The following OSBPL9 variants were observed in gnomAD, a reference collection of about 807,000 sequenced individuals.
OSBPL9 encodes oxysterol binding protein like 9.
In OSBPL9, 40 loss-of-function variants were observed where a neutral mutation model predicts 106.6. That is an observed-to-expected ratio of 0.38 (90% confidence interval 0.29 to 0.49). OSBPL9 has a LOEUF of 0.49. Among genes scored for constraint, OSBPL9 ranks in the 20% least tolerant of loss-of-function variants. The pLI is 0.97. For missense variants in OSBPL9, 609 were observed against 887.2 expected (o/e 0.69, Z 3.98); for synonymous variants, 269 against 295.4 (o/e 0.91, Z 0.92).
At chr1:51,537,867 T>A in the OSBPL9 span, among the ~76,000 whole-genome samples, 1 of 152,138 alleles carries the variant, frequency 6.6e-6, no homozygotes, top group African/African-American at 2.4e-5. Context: ...AATTAATAAT[T>A]CATTACTGAT....
intron 2 of OSBPL9, among the ~76,000 whole-genome samples, chr1:51,662,741 A>ATTTT (rs758385465): frequency 7.0e-6 from 1 of 143,308 alleles, no homozygotes. Context: ...AAAATCAACG[A>ATTTT]ATTTTTTTTT....
chr1:51,546,629 G>A, the OSBPL9 span, among the ~76,000 whole-genome samples: 4 of 151,708 alleles, frequency 2.6e-5, no homozygotes, highest in South Asian at 4.2e-4. Context: ...CCCGGGAGGC[G>A]GAGCTTGCAG....
chr1:51,519,165 C>A, the OSBPL9 span: 1 of 1,421,300 alleles, frequency 7.0e-7, no homozygotes, highest in Non-Finnish European at 9.3e-7. Context: ...GGGCACCGGC[C>A]GGCCAAGCCC....
At chr1:51,595,072 C>T (rs1053962019) in intron 1 of OSBPL9, among the ~76,000 whole-genome samples, 1 of 152,170 alleles carries the variant, frequency 6.6e-6, no homozygotes, top group African/African-American at 2.4e-5. Context: ...GCTGAGATCA[C>T]CTGCATCCCC....
At chr1:51,555,622 C>T in the OSBPL9 span, among the ~76,000 whole-genome samples, 72 of 152,148 alleles carry the variant, frequency 4.7e-4, no homozygotes, top group African/African-American at 1.7e-3. Flanking sequence ...GGCTGGAGGG[C>T]AGTGGCATGA....
intron 2 of OSBPL9, among the ~76,000 whole-genome samples, chr1:51,602,618 G>A (rs1025712187): frequency 5.3e-5 from 8 of 151,036 alleles, no homozygotes; most frequent in South Asian, 2.1e-4. Flanking sequence ...TTGTAGAGAC[G>A]AGGAGTGGGG....
chr1:51,760,560 C>T (rs1671269871), intron 9 of OSBPL9, 130 bp from the exon 10 acceptor site: 5 of 1,367,206 alleles, frequency 3.7e-6, no homozygotes, highest in African/African-American at 2.9e-5. Flanking sequence ...TTCATTCCCT[C>T]TTTTCATTTT....
chr1:51,633,653 A>G (rs567058610), intron 1 of OSBPL9, among the ~76,000 whole-genome samples: 2 of 152,140 alleles, frequency 1.3e-5, no homozygotes, highest in African/African-American at 2.4e-5. Context: ...AGGGTCTTGC[A>G]CTCTGTCACG....
At chr1:51,737,290 T>C (rs1238605663) in intron 4 of OSBPL9, among the ~76,000 whole-genome samples, 1 of 152,118 alleles carries the variant, frequency 6.6e-6, no homozygotes, top group Non-Finnish European at 1.5e-5. Flanking sequence ...GAATAATGCT[T>C]ATGACCTTGC....
intron 4 of OSBPL9, among the ~76,000 whole-genome samples, chr1:51,722,915 A>T (rs1003231119): frequency 2.6e-5 from 4 of 152,206 alleles, no homozygotes; most frequent in African/African-American, 7.2e-5. Context: ...TGCTTCATTC[A>T]TTTGGCCTGA....
At chr1:51,602,419 A>ATTTTTTTTTTTTTT (rs1357173060) in intron 2 of OSBPL9, among the ~76,000 whole-genome samples, 2 of 104,660 alleles carry the variant, frequency 1.9e-5, no homozygotes, top group Admixed American at 1.0e-4. Flanking sequence ...TTTTTTTTTA[A>ATTTTTTTTTTTTTT]TTTTTTTTTT....
At chr1:51,699,924 A>T (rs2148850271) in intron 3 of OSBPL9, among the ~76,000 whole-genome samples, 1 of 152,316 alleles carries the variant, frequency 6.6e-6, no homozygotes, top group East Asian at 1.9e-4. Context: ...GTATATCGAA[A>T]ACCATGATGA....
At position 51,629,534 on chromosome 1, in the gene OSBPL9, G is replaced by C. The variant is rs367939115; in HGVS notation, c.111+12313G>C. Among the ~76,000 whole-genome samples the C allele has an allele frequency of 4.5e-4, 69 of 152,274 alleles. 3 individuals are homozygous for C. In the South Asian group the frequency reaches 0.011, roughly 25 times the overall value. ...TACTACATACCTAGTCCATGTGGTA[G>C]GCTGCCACCCTGTACAGTGTGAAAC... is the stretch of plus-strand genomic sequence containing the variant. On this transcript the variant is annotated intron_variant, in intron 1 of 23. Transcript: ENST00000428468.
chr1:51,553,277 G>A, the OSBPL9 span, among the ~76,000 whole-genome samples: 2 of 152,162 alleles, frequency 1.3e-5, no homozygotes, highest in African/African-American at 4.8e-5. Flanking sequence ...TTGGGAGGCT[G>A]AGGCAGGTGG....
chr1:51,714,351 A>T (rs952817160), intron 4 of OSBPL9, among the ~76,000 whole-genome samples: 86 of 152,352 alleles, frequency 5.6e-4, no homozygotes, highest in African/African-American at 1.9e-3. Context: ...TGCCAGATTT[A>T]TTTTAAGAAT....
At position 51,787,424 on chromosome 1, in the gene OSBPL9, T is replaced by G. The variant is rs1337264399; in HGVS notation, c.2072T>G (p.Leu691Arg). 3 of 1,614,026 alleles carry G rather than the reference T, an allele frequency of 1.9e-6. No individual in the cohort carries two copies. The highest frequency in any genetic ancestry group is 2.5e-6 in the Non-Finnish European group (3 of 1,179,934). Residue 691 changes from leucine (L) to arginine (R), a missense_variant, in exon 23 of 24, where the codon CTT (leucine) becomes CGT (arginine). Leu to Arg is a moderately radical substitution (Grantham distance 102). Coordinates refer to ENST00000428468, the MANE Select transcript of OSBPL9 (RefSeq NM_024586.6). ...IDAATEAKHR[L>R]EERQRAEARE... ...GCAGCAACTGAAGCAAAGCACAGGC[T>G]TGAAGAAAGACAAAGAGCAGAAGCC...
intron 1 of OSBPL9, among the ~76,000 whole-genome samples, chr1:51,624,618 A>G (rs1228098013): frequency 6.6e-6 from 1 of 152,044 alleles, no homozygotes; most frequent in Admixed American, 6.5e-5. Flanking sequence ...AAAAATAAAA[A>G]TAAATCCAAA....
intron 1 of OSBPL9, among the ~76,000 whole-genome samples, chr1:51,592,108 CTTTTTTTTTTTT>C (rs34379031): frequency 1.3e-5 from 1 of 76,974 alleles, no homozygotes; most frequent in African/African-American, 5.6e-5. Context: ...GTTGCTAAGG[CTTTTTTTTTTTT>C]TTTTTTTTTT....
chr1:51,562,525 A>G, the OSBPL9 span, among the ~76,000 whole-genome samples: 2 of 152,156 alleles, frequency 1.3e-5, no homozygotes, highest in African/African-American at 4.8e-5. Context: ...CTAATACACC[A>G]ATTGATTTAT....
Sources: gnomAD v4.1 joint callset for allele counts (sites outside exome capture counted in the v4.1 genomes callset) on GRCh38, gnomAD v4.1.1 for gene constraint, MANE v1.5 for transcripts, NCBI Gene and HGNC (gene_info 2026-07-23, HGNC 2026-07-21) for gene names.